PDXDC1: variants seen among roughly 807,000 people sequenced by gnomAD.
PDXDC1 encodes the protein pyridoxal-dependent decarboxylase domain-containing protein 1.
Under a neutral mutation model 100.1 loss-of-function variants are expected in PDXDC1, and 42 were observed. The ratio of observed to expected loss-of-function variants is 0.42; its 90% CI spans 0.33 to 0.54. PDXDC1 has a LOEUF of 0.54. Among genes scored for constraint, PDXDC1 ranks in the 20% least tolerant of loss-of-function variants. PDXDC1 has a pLI of 0.10. For missense variants in PDXDC1, 636 were observed against 979.2 expected, an observed-to-expected ratio of 0.65 and a Z score of 4.68; for synonymous variants, 260 against 371.7, an observed-to-expected ratio of 0.70 and a Z score of 3.46.
chr16:15,099,585 G>C (rs953449105), intron 16 of PDXDC1, among the ~76,000 whole-genome samples: 4 of 151,934 alleles, frequency 2.6e-5, no homozygotes, highest in Non-Finnish European at 4.4e-5. Flanking sequence ...TCCTTATCCA[G>C]TCTTGCCTTC....
chr16:15,106,810 T>C (rs1340100442), intron 16 of PDXDC1, among the ~76,000 whole-genome samples: 28 of 94,322 alleles, frequency 3.0e-4, no homozygotes, highest in African/African-American at 7.5e-4. Flanking sequence ...ACTGTTGCTA[T>C]ATTGATTCCT....
chr16:15,035,331 G>A, intron 21 of PDXDC1, 118 bp from the exon 22 acceptor site: 1 of 557,898 alleles, frequency 1.8e-6, no homozygotes, highest in South Asian at 2.6e-5. Context: ...CCACCAGTCT[G>A]TGGCAGGCTC....
chr16:15,130,308 G>T (rs1234014963), intron 16 of PDXDC1: 14 of 1,541,940 alleles, frequency 9.1e-6, no homozygotes, highest in African/African-American at 1.4e-5. Context: ...CTCCTCCAGG[G>T]GCAGCAGCCC....
At chr16:15,010,731 A>C (rs2041191752) in intron 8 of PDXDC1, among the ~76,000 whole-genome samples, 1 of 152,300 alleles carries the variant, frequency 6.6e-6, no homozygotes, top group Admixed American at 6.5e-5. Flanking sequence ...GTATAGATAG[A>C]AAACTAAAGA....
intron 1 of PDXDC1, chr16:14,975,602 C>A (rs1966701124): frequency 1.0e-6 from 1 of 985,396 alleles, no homozygotes; most frequent in Non-Finnish European, 1.2e-6. Context: ...CGGAAAGAAG[C>A]CGCAGTTATT....
At chr16:15,144,081 A>G (rs963586011), downstream of PDXDC1, among the ~76,000 whole-genome samples, 1 of 152,102 alleles carries the variant, frequency 6.6e-6, no homozygotes, top group Admixed American at 6.5e-5. Flanking sequence ...GCCCCCTGCC[A>G]GGCCCCGTCC....
intron 16 of PDXDC1, among the ~76,000 whole-genome samples, chr16:15,110,230 C>A (rs938435420): frequency 7.5e-5 from 11 of 147,140 alleles, no homozygotes; most frequent in Non-Finnish European, 1.5e-4. Flanking sequence ...AAATGACAAA[C>A]AAGAATGTAG....
intron 16 of PDXDC1, among the ~76,000 whole-genome samples, chr16:15,113,222 G>A (rs1350919780): frequency 0.04 from 190 of 4,756 alleles, no homozygotes; most frequent in Non-Finnish European, 0.049. Context: ...GGTGAGAAAA[G>A]AAAAAAAAAA....
At position 15,131,314 on chromosome 16, in the gene PDXDC1, G is replaced by T. The variant is rs531175591; in HGVS notation, c.1400-7565G>T. 147 of 1,560,590 alleles carry T rather than the reference G, an allele frequency of 9.4e-5. 1 individual carries two copies. In the Middle Eastern group the frequency reaches 4.3e-3, roughly 46 times the overall value. On this transcript the variant is annotated intron_variant, in intron 16 of 16. Coordinates refer to the PDXDC1 transcript ENST00000535621. ...CTGGGCGCCGGCCTGTGTCTGGAAC[G>T]CCATCGAGGCCACCTTGGTGGAGAC... is the stretch of plus-strand genomic sequence containing the variant.
chr16:15,110,077 C>T (rs1177629549), intron 16 of PDXDC1, among the ~76,000 whole-genome samples: 1 of 148,544 alleles, frequency 6.7e-6, no homozygotes, highest in Non-Finnish European at 1.5e-5. Flanking sequence ...TTGCTTGAAC[C>T]CAAAAGACAG....
intron 16 of PDXDC1, among the ~76,000 whole-genome samples, chr16:15,063,032 C>G (rs2044778036): frequency 6.6e-6 from 1 of 152,174 alleles, no homozygotes; most frequent in South Asian, 2.1e-4. Flanking sequence ...TTTGTAGAAA[C>G]AGGGTGTCAC....
intron 1 of PDXDC1, among the ~76,000 whole-genome samples, chr16:14,978,535 A>T (rs1410501487): frequency 6.6e-6 from 1 of 152,262 alleles, no homozygotes; most frequent in African/African-American, 2.4e-5. Context: ...GACTACAGGC[A>T]CTCACCCCCA....
chr16:15,022,323 G>A (rs1158312615), intron 12 of PDXDC1, among the ~76,000 whole-genome samples: 1 of 152,166 alleles, frequency 6.6e-6, no homozygotes, highest in African/African-American at 2.4e-5. Flanking sequence ...GGTGATGAGT[G>A]GCAGCACTGT....
At chr16:15,027,909 G>T (rs1597628253) in intron 14 of PDXDC1, among the ~76,000 whole-genome samples, 1 of 152,392 alleles carries the variant, frequency 6.6e-6, no homozygotes, top group East Asian at 1.9e-4. Context: ...CTAGGTCCGT[G>T]GGGGTAGAGT....
chr16:15,040,861 A>G (rs2043784352), downstream of PDXDC1, among the ~76,000 whole-genome samples: 1 of 152,180 alleles, frequency 6.6e-6, no homozygotes, highest in Admixed American at 6.5e-5. Flanking sequence ...CAAAGTCTTA[A>G]GAAGTGAATG....
At chr16:15,119,277 GTCTT>G in intron 16 of PDXDC1, 1 of 392,572 alleles carries the variant, frequency 2.5e-6, no homozygotes, top group Non-Finnish European at 4.7e-6. Context: ...GTGGGGTGTT[GTCTT>G]TCTTGGTATA....
intron 1 of PDXDC1, among the ~76,000 whole-genome samples, chr16:14,990,940 C>T (rs1295926058): frequency 5.9e-5 from 9 of 152,398 alleles, no homozygotes; most frequent in Admixed American, 3.3e-4. Flanking sequence ...GGGATTTTGC[C>T]GTGTTAGCCA....
intron 14 of PDXDC1, among the ~76,000 whole-genome samples, chr16:15,027,920 C>T (rs1191659093): frequency 6.6e-6 from 1 of 152,278 alleles, no homozygotes; most frequent in African/African-American, 2.4e-5. Flanking sequence ...GGGGTAGAGT[C>T]CTAGCCAGGG....
chr16:15,082,860 T>G (rs1721632105), intron 16 of PDXDC1, among the ~76,000 whole-genome samples: 1 of 152,196 alleles, frequency 6.6e-6, no homozygotes, highest in African/African-American at 2.4e-5. Context: ...TATGGAAGGC[T>G]TTGTCTTCAG....
Sources: gnomAD v4.1 joint callset for allele counts (sites outside exome capture counted in the v4.1 genomes callset) on GRCh38, gnomAD v4.1.1 for gene constraint, MANE v1.5 for transcripts, NCBI Gene and HGNC (gene_info 2026-07-23, HGNC 2026-07-21) for gene names.